Variants in ADGRV1 observed in about 807,000 individuals in gnomAD.
ADGRV1 encodes adhesion G protein-coupled receptor V1.
Under a neutral mutation model 596.2 loss-of-function variants are expected in ADGRV1, and 359 were observed. That is an observed-to-expected ratio of 0.60 (90% confidence interval 0.55 to 0.66). The LOEUF is 0.66. Among genes scored for constraint, ADGRV1 ranks in the 30% least tolerant of loss-of-function variants. The pLI is 0.00. For synonymous variants in ADGRV1, 2,681 were observed against 2,679.2 expected, an observed-to-expected ratio of 1.00 and a Z score of -0.02; for missense variants, 7,274 against 7,575.6, an observed-to-expected ratio of 0.96 and a Z score of 1.48.
At chr5:90,751,251 T>C (rs771341023) in intron 53 of ADGRV1, among the ~76,000 whole-genome samples, 2 of 152,140 alleles carry the variant, frequency 1.3e-5, no homozygotes, top group East Asian at 1.9e-4. Context: ...CAACTGAGGT[T>C]GATTGCAACT....
chr5:90,845,336 T>C (rs1244385403), intron 78 of ADGRV1, among the ~76,000 whole-genome samples: 2 of 152,016 alleles, frequency 1.3e-5, no homozygotes, highest in African/African-American at 4.8e-5. Flanking sequence ...TGCTGAAAAC[T>C]ACAAGGTCCC....
intron 71 of ADGRV1, among the ~76,000 whole-genome samples, chr5:90,803,487 G>A (rs1384629870): frequency 6.6e-6 from 1 of 152,164 alleles, no homozygotes; most frequent in Admixed American, 6.5e-5. Flanking sequence ...AAGCCATTGT[G>A]TGATATAATT....
intron 1 of ADGRV1, among the ~76,000 whole-genome samples, chr5:90,587,743 G>C (rs1274833728): frequency 1.3e-5 from 2 of 151,818 alleles, no homozygotes; most frequent in African/African-American, 4.8e-5. Flanking sequence ...ATTTTTAGTA[G>C]AGATGAGGTT....
chr5:90,934,427 A>AATAAAGTGG (rs751037912), intron 83 of ADGRV1, among the ~76,000 whole-genome samples: 7 of 152,180 alleles, frequency 4.6e-5, no homozygotes, highest in Non-Finnish European at 1.0e-4. Flanking sequence ...TTCTAAGTCT[A>AATAAAGTGG]ATAAAATCCT....
intron 86 of ADGRV1, among the ~76,000 whole-genome samples, chr5:91,094,058 G>A (rs1368504838): frequency 2.0e-5 from 3 of 151,858 alleles, no homozygotes; most frequent in Non-Finnish European, 2.9e-5. Flanking sequence ...CGCCATGTTC[G>A]CCAGGACAGT....
intron 86 of ADGRV1, among the ~76,000 whole-genome samples, chr5:91,085,752 C>A (rs1453613361): frequency 2.0e-5 from 3 of 152,176 alleles, no homozygotes; most frequent in Non-Finnish European, 4.4e-5. Flanking sequence ...GTAGGTCTTT[C>A]TTGTCCATCT....
intron 11 of ADGRV1, among the ~76,000 whole-genome samples, chr5:90,641,447 T>C (rs940625783): frequency 1.3e-5 from 2 of 152,212 alleles, no homozygotes; most frequent in Admixed American, 1.3e-4. Flanking sequence ...TATTTTGCAT[T>C]CTGATCCAGT....
intron 83 of ADGRV1, among the ~76,000 whole-genome samples, chr5:90,958,598 G>T (rs934551883): frequency 2.6e-5 from 4 of 152,098 alleles, no homozygotes; most frequent in East Asian, 1.9e-4. Context: ...TGTCTTCAGG[G>T]TTGACTTCAT....
chr5:90,878,265 A>G (rs544547114), intron 83 of ADGRV1, among the ~76,000 whole-genome samples: 9 of 152,328 alleles, frequency 5.9e-5, no homozygotes, highest in African/African-American at 9.6e-5. Flanking sequence ...GAGCTTCACA[A>G]TCGGTCACTG....
chr5:90,909,335 C>T (rs1561925727), intron 83 of ADGRV1, among the ~76,000 whole-genome samples: 1 of 152,138 alleles, frequency 6.6e-6, no homozygotes, highest in Non-Finnish European at 1.5e-5. Context: ...TGCTATTATG[C>T]CTTGGTGCTC....
At chr5:90,846,808 C>G (rs1581304075) in intron 78 of ADGRV1, among the ~76,000 whole-genome samples, 1 of 152,184 alleles carries the variant, frequency 6.6e-6, no homozygotes, top group Non-Finnish European at 1.5e-5. Flanking sequence ...TCTTATCTGG[C>G]CCCACCCACA....
intron 45 of ADGRV1, among the ~76,000 whole-genome samples, chr5:90,721,776 T>C (rs17552645): frequency 0.064 from 9,676 of 152,092 alleles, 419 homozygotes; most frequent in Non-Finnish European, 0.088. Context: ...TCAAGGGGTA[T>C]TGATCTTTGA....
chr5:90,833,480 T>C (rs564349485), intron 77 of ADGRV1, among the ~76,000 whole-genome samples: 45 of 152,152 alleles, frequency 3.0e-4, no homozygotes, highest in African/African-American at 1.1e-3. Flanking sequence ...AAATGGGATT[T>C]TACCATGATA....
In ADGRV1 at chr5:90,802,651, C is replaced by T. The variant is rs141398725; in HGVS notation, c.14518-88C>T. 1.4e-4 allele frequency: 174 copies of T among 1,214,260 alleles called. 2 individuals are homozygous for T. The Admixed American group carries it at 3.7e-3, about 26-fold the overall frequency. 75.2% of individuals were successfully genotyped at this position (1,214,260 alleles called of 1,614,324 possible). A position where few individuals can be genotyped will look rare whatever the true frequency, so the allele number is the denominator to read the frequency against. Reference sequence around the variant, plus strand: ...ATGAAACTGTTTGCTACTAAAGCAACCTCAGGCATTATGCTAATGGCTCAA... The same window carrying T: ...ATGAAACTGTTTGCTACTAAAGCAATCTCAGGCATTATGCTAATGGCTCAA... On this transcript the variant is annotated intron_variant, in intron 70 of 89. Transcript: ENST00000405460.
intron 84 of ADGRV1, among the ~76,000 whole-genome samples, chr5:90,979,485 AT>A (rs2151026198): frequency 6.6e-6 from 1 of 152,230 alleles, no homozygotes; most frequent in South Asian, 2.1e-4. Context: ...GTGTCAATTT[AT>A]ATGGAAATAA....
At chr5:90,964,484 T>A (rs1251402942) in intron 83 of ADGRV1, among the ~76,000 whole-genome samples, 1 of 150,162 alleles carries the variant, frequency 6.7e-6, no homozygotes, top group Admixed American at 6.6e-5. Flanking sequence ...TGCTCCAAGT[T>A]TCCCCCTGCC....
intron 83 of ADGRV1, among the ~76,000 whole-genome samples, chr5:90,963,390 CAAAA>C (rs1253546798): frequency 6.6e-6 from 1 of 151,650 alleles, no homozygotes; most frequent in African/African-American, 2.4e-5. Flanking sequence ...TAAAATTAGA[CAAAA>C]AAGTCAAGGA....
At chr5:90,662,380 A>T (rs922886466) in intron 21 of ADGRV1, among the ~76,000 whole-genome samples, 7 of 151,698 alleles carry the variant, frequency 4.6e-5, no homozygotes, top group African/African-American at 1.7e-4. Flanking sequence ...TTTTTAGCAG[A>T]GACGGGGTTT....
At chr5:91,148,936 C>T (rs1795786676) in intron 87 of ADGRV1, among the ~76,000 whole-genome samples, 1 of 152,218 alleles carries the variant, frequency 6.6e-6, no homozygotes. Context: ...AATGACTGCC[C>T]TATTGGATTT....
Sources: allele counts gnomAD v4.1 joint callset (sites outside exome capture counted in the v4.1 genomes callset), GRCh38; gene constraint gnomAD v4.1.1; transcripts MANE v1.5; gene names NCBI Gene and HGNC (gene_info 2026-07-23, HGNC 2026-07-21).